Variants in ARL6IP6 observed in about 807,000 individuals in gnomAD.
ARL6IP6 encodes ARF like GTPase 6 interacting protein 6, also known as ADP-ribosylation factor-like protein 6-interacting protein 6.
In ARL6IP6, 22 loss-of-function variants were observed where a neutral mutation model predicts 21.5. The ratio of observed to expected loss-of-function variants is 1.02; its 90% CI spans 0.73 to 1.46. The LOEUF (loss-of-function observed/expected upper bound fraction) is 1.46. Among genes scored for constraint, ARL6IP6 ranks in the 40% most tolerant of loss-of-function variants. The pLI, the probability that ARL6IP6 is intolerant of heterozygous loss-of-function variation, is 0.00. For synonymous variants in ARL6IP6, 164 were observed against 125.3 expected (o/e 1.31, Z -2.06); for missense variants, 388 against 299.8 (o/e 1.29, Z -2.17).
intron 3 of ARL6IP6, among the ~76,000 whole-genome samples, chr2:152,748,736 A>G (rs1701174602): frequency 6.6e-6 from 1 of 152,256 alleles, no homozygotes; most frequent in South Asian, 2.1e-4. Context: ...TTAAATTACA[A>G]GAGTTCTGTC....
chr2:152,739,044 G>A (rs773694570), intron 3 of ARL6IP6, among the ~76,000 whole-genome samples: 1 of 151,196 alleles, frequency 6.6e-6, no homozygotes, highest in African/African-American at 2.4e-5. Flanking sequence ...GTGCAGTGGC[G>A]TGATCTTGGC....
At chr2:152,733,869 T>G (rs1190343658) in intron 2 of ARL6IP6, among the ~76,000 whole-genome samples, 5 of 152,208 alleles carry the variant, frequency 3.3e-5, no homozygotes, top group Non-Finnish European at 7.4e-5. Context: ...GCAATCTTTT[T>G]TATTTTGCTC....
rs996940528 is a variant in ARL6IP6, at chr2:152,761,635, C to T, written c.*1795C>T. On this transcript the variant is annotated 3_prime_UTR_variant, in exon 4 of 4. Coordinates refer to ENST00000326446, the MANE Select transcript of ARL6IP6 (RefSeq NM_152522.7). ...TAGTGAATCCCCCCGTAAGATTATA[C>T]TGCTGCATTTTTTACTTTATTTTTT... Among the ~76,000 whole-genome samples the T allele has an allele frequency of 6.6e-6, 1 of 152,208 alleles. No individual in the cohort carries two copies. Among genetic ancestry groups the T allele is most frequent in the African/African-American group, 2.4e-5 (1 of 41,462 alleles).
chr2:152,741,202 A>G (rs1323146316), intron 3 of ARL6IP6, among the ~76,000 whole-genome samples: 1 of 152,144 alleles, frequency 6.6e-6, no homozygotes, highest in Non-Finnish European at 1.5e-5. Context: ...CAAAAAAGAA[A>G]AAGAAAAATG....
intron 2 of ARL6IP6, among the ~76,000 whole-genome samples, chr2:152,725,316 G>A (rs1052658028): frequency 6.6e-6 from 1 of 151,960 alleles, no homozygotes; most frequent in African/African-American, 2.4e-5. Flanking sequence ...AACTATGGTC[G>A]AAAGAATAAA....
At position 152,735,082 on chromosome 2, in the gene ARL6IP6, A is replaced by C. The variant is rs763848825; in HGVS notation, c.543A>C (p.Glu181Asp). The C allele has an allele frequency of 6.2e-7, 1 of 1,613,646 alleles. No homozygotes were observed. The highest frequency in any genetic ancestry group is 1.1e-5 in the South Asian group (1 of 91,070). ...CAGTGACTTACTTTGATTCTTTTGA[A>C]CCAGGAATGTTTCCTCCTACTCCTC... is the stretch of plus-strand genomic sequence containing the variant. Reference protein sequence around the residue: ...SWTVTYFDSFEPGMFPPTPLS... With the variant: ...SWTVTYFDSFDPGMFPPTPLS... Residue 181 changes from glutamate (E) to aspartate (D), a missense_variant, in exon 3 of 4, where the codon GAA (glutamate) becomes GAC (aspartate). Transcript: ENST00000326446.
intron 2 of ARL6IP6, among the ~76,000 whole-genome samples, chr2:152,728,374 A>G (rs1019537858): frequency 6.6e-6 from 1 of 152,220 alleles, no homozygotes; most frequent in Admixed American, 6.5e-5. Flanking sequence ...TATAGGAACC[A>G]TGAGAGTTTT....
intron 3 of ARL6IP6, among the ~76,000 whole-genome samples, chr2:152,746,880 G>C (rs997554594): frequency 2.4e-5 from 3 of 124,968 alleles, no homozygotes; most frequent in Non-Finnish European, 4.7e-5. Flanking sequence ...CCGAAGTGCA[G>C]AGTGGCACAA....
At chr2:152,753,039 G>A (rs748164400) in intron 3 of ARL6IP6, among the ~76,000 whole-genome samples, 1 of 152,062 alleles carries the variant, frequency 6.6e-6, no homozygotes, top group Non-Finnish European at 1.5e-5. Context: ...TTGGGAGGCT[G>A]GAGTGGGAGG....
intron 1 of ARL6IP6, among the ~76,000 whole-genome samples, chr2:152,719,430 A>G (rs1221592857): frequency 1.3e-5 from 2 of 152,080 alleles, no homozygotes; most frequent in African/African-American, 4.8e-5. Flanking sequence ...CTGTCCACCA[A>G]TTCCTCTACA....
intron 1 of ARL6IP6, among the ~76,000 whole-genome samples, chr2:152,719,673 T>C (rs1464518453): frequency 6.6e-6 from 1 of 151,194 alleles, no homozygotes; most frequent in Non-Finnish European, 1.5e-5. Flanking sequence ...AGTTGGCTAG[T>C]GTATATTATA....
chr2:152,747,785 G>A (rs1701126255), intron 3 of ARL6IP6, among the ~76,000 whole-genome samples: 1 of 152,000 alleles, frequency 6.6e-6, no homozygotes, highest in African/African-American at 2.4e-5. Context: ...TGGCCAGGCT[G>A]GTCTCAAACT....
At chr2:152,751,615 G>C (rs992944981) in intron 3 of ARL6IP6, among the ~76,000 whole-genome samples, 1 of 152,030 alleles carries the variant, frequency 6.6e-6, no homozygotes, top group African/African-American at 2.4e-5. Context: ...ACACATGTGA[G>C]TGAGAACATG....
At chr2:152,722,780 G>A (rs572696634) in intron 2 of ARL6IP6, among the ~76,000 whole-genome samples, 1 of 152,216 alleles carries the variant, frequency 6.6e-6, no homozygotes, top group South Asian at 2.1e-4. Context: ...TGGTGGCACA[G>A]GCCTGTAATC....
At chr2:152,730,662 G>A (rs2105114660) in intron 2 of ARL6IP6, among the ~76,000 whole-genome samples, 1 of 152,234 alleles carries the variant, frequency 6.6e-6, no homozygotes, top group Middle Eastern at 3.4e-3. Flanking sequence ...TGGGGTGAAG[G>A]TGCAGACTAA....
chr2:152,753,848 C>T (rs1329721233), intron 3 of ARL6IP6, among the ~76,000 whole-genome samples: 1 of 151,946 alleles, frequency 6.6e-6, no homozygotes. Context: ...AGGCGCTCGC[C>T]ACCACGCCAC....
chr2:152,725,261 A>G (rs1699986900), intron 2 of ARL6IP6, among the ~76,000 whole-genome samples: 1 of 152,182 alleles, frequency 6.6e-6, no homozygotes, highest in Non-Finnish European at 1.5e-5. Context: ...TTCTTTCTCA[A>G]AACATTCTCC....
intron 2 of ARL6IP6, among the ~76,000 whole-genome samples, 168 bp downstream of exon 2, chr2:152,720,754 T>C (rs1157462517): frequency 6.6e-6 from 1 of 152,236 alleles, no homozygotes; most frequent in African/African-American, 2.4e-5. Context: ...ATTTCCTTTA[T>C]ATGTGTGGAG....
chr2:152,723,370 G>A (rs542667090), intron 2 of ARL6IP6, among the ~76,000 whole-genome samples: 3 of 152,098 alleles, frequency 2.0e-5, no homozygotes, highest in Admixed American at 1.3e-4. Context: ...TAGGAACCTC[G>A]TAGCCAAATG....
Sources: gnomAD v4.1 joint callset for allele counts (sites outside exome capture counted in the v4.1 genomes callset) on GRCh38, gnomAD v4.1.1 for gene constraint, MANE v1.5 for transcripts, NCBI Gene and HGNC (gene_info 2026-07-23, HGNC 2026-07-21) for gene names.